GPC6: variants seen among roughly 807,000 people sequenced by gnomAD.
GPC6 encodes glypican 6, also known as glypican-6.
In GPC6, 14 loss-of-function variants were observed where a neutral mutation model predicts 55.2. That is an observed-to-expected ratio of 0.25 (90% CI 0.17 to 0.40). The LOEUF is 0.40. Among genes scored for constraint, GPC6 ranks in the 10% least tolerant of loss-of-function variants. The probability of loss-of-function intolerance (pLI) is 1.00; values close to 1 mark genes in which losing one functional copy is unlikely to be tolerated. For missense variants in GPC6, 641 were observed against 708.5 expected (o/e 0.90, Z 1.08); for synonymous variants, 278 against 259.6 (o/e 1.07, Z -0.68).
At chr13:93,285,616 C>CTGTGTGTGTGTGTGTGTGTG (rs754671051) in intron 1 of GPC6, among the ~76,000 whole-genome samples, 1 of 103,532 alleles carries the variant, frequency 9.7e-6, no homozygotes, top group African/African-American at 3.7e-5. Flanking sequence ...GTATATACTG[C>CTGTGTGTGTGTGTGTGTGTG]TGTGTGTGTG....
chr13:93,423,065 G>A (rs759001339), intron 1 of GPC6, among the ~76,000 whole-genome samples: 6 of 152,112 alleles, frequency 3.9e-5, no homozygotes, highest in Admixed American at 1.3e-4. Context: ...CCAGCTCCCC[G>A]TTTGTTAGCC....
At chr13:94,355,609 CTAAATG>C (rs891471503) in intron 6 of GPC6, among the ~76,000 whole-genome samples, 1 of 152,086 alleles carries the variant, frequency 6.6e-6, no homozygotes, top group Admixed American at 6.5e-5. Flanking sequence ...TAATATCAAT[CTAAATG>C]TGTCTATGAA....
chr13:93,854,085 C>A (rs993782436), intron 3 of GPC6, among the ~76,000 whole-genome samples: 1 of 151,618 alleles, frequency 6.6e-6, no homozygotes, highest in East Asian at 1.9e-4. Flanking sequence ...TTCATGAACA[C>A]CCTCTATGCA....
chr13:93,610,534 T>C (rs1205481340), intron 2 of GPC6, among the ~76,000 whole-genome samples: 5 of 152,088 alleles, frequency 3.3e-5, no homozygotes, highest in Admixed American at 6.5e-5. Flanking sequence ...TGATAAGTGA[T>C]CTTAAGGTAA....
chr13:94,188,879 A>T (rs560386746), intron 4 of GPC6, among the ~76,000 whole-genome samples: 1 of 152,292 alleles, frequency 6.6e-6, no homozygotes, highest in Non-Finnish European at 1.5e-5. Context: ...GTCAGTCGTC[A>T]AAGGAGTCTG....
At chr13:94,265,492 G>A (rs552864136) in intron 4 of GPC6, among the ~76,000 whole-genome samples, 2 of 152,192 alleles carry the variant, frequency 1.3e-5, no homozygotes, top group African/African-American at 2.4e-5. Context: ...CCAGATTAAG[G>A]GTGGATCGGC....
intron 1 of GPC6, among the ~76,000 whole-genome samples, chr13:93,342,925 C>T (rs1880308244): frequency 6.6e-6 from 1 of 152,144 alleles, no homozygotes; most frequent in Admixed American, 6.5e-5. Flanking sequence ...TACAACCACA[C>T]AGGAAGGAAA....
At chr13:93,915,294 C>A (rs929968511) in intron 3 of GPC6, among the ~76,000 whole-genome samples, 6 of 152,200 alleles carry the variant, frequency 3.9e-5, no homozygotes, top group African/African-American at 1.4e-4. Context: ...AGTTATGAAA[C>A]TCACCCAGAG....
At chr13:93,378,166 G>C (rs921646885) in intron 1 of GPC6, among the ~76,000 whole-genome samples, 3 of 152,142 alleles carry the variant, frequency 2.0e-5, no homozygotes, top group Non-Finnish European at 4.4e-5. Context: ...TCCTGGCAAA[G>C]GATTGTACAT....
intron 4 of GPC6, among the ~76,000 whole-genome samples, chr13:94,141,699 A>G (rs1887383556): frequency 6.6e-6 from 1 of 152,218 alleles, no homozygotes; most frequent in Admixed American, 6.5e-5. Flanking sequence ...GAAAAGTGAC[A>G]ATAACTTATC....
At chr13:94,233,965 C>T (rs905256065) in intron 4 of GPC6, among the ~76,000 whole-genome samples, 1 of 152,026 alleles carries the variant, frequency 6.6e-6, no homozygotes, top group African/African-American at 2.4e-5. Flanking sequence ...TGTAACAGTA[C>T]GTCTTCTAGC....
chr13:93,261,325 T>C (rs1383437169), intron 1 of GPC6, among the ~76,000 whole-genome samples: 1 of 152,140 alleles, frequency 6.6e-6, no homozygotes, highest in Non-Finnish European at 1.5e-5. Context: ...TACCTGTTTT[T>C]AGGGTTTTCT....
intron 4 of GPC6, among the ~76,000 whole-genome samples, chr13:94,051,369 CT>C (rs66467409): frequency 0.15 from 22,862 of 152,114 alleles, 2,059 homozygotes; most frequent in East Asian, 0.36. Flanking sequence ...GCACACTCAA[CT>C]TTTTTTAAAG....
At chr13:93,774,440 T>C (rs1885398011) in intron 2 of GPC6, among the ~76,000 whole-genome samples, 1 of 152,192 alleles carries the variant, frequency 6.6e-6, no homozygotes, top group South Asian at 2.1e-4. Context: ...GATCAGGAGA[T>C]AAGTTATGCT....
intron 6 of GPC6, among the ~76,000 whole-genome samples, chr13:94,343,270 C>T (rs994044117): frequency 6.6e-6 from 1 of 152,146 alleles, no homozygotes; most frequent in Non-Finnish European, 1.5e-5. Context: ...AATGACTCTC[C>T]TTTTGCCAGG....
At chr13:93,765,218 T>G (rs1885078525) in intron 2 of GPC6, among the ~76,000 whole-genome samples, 1 of 34,236 alleles carries the variant, frequency 2.9e-5, no homozygotes, top group Admixed American at 3.3e-4. Flanking sequence ...TATCTTTTTA[T>G]GAAAAAAGAT....
At chr13:93,519,023 C>T (rs185526328) in intron 1 of GPC6, among the ~76,000 whole-genome samples, 107 of 152,062 alleles carry the variant, frequency 7.0e-4, no homozygotes, top group Admixed American at 2.3e-3. Context: ...GCTACACAGG[C>T]AGAGTTGAGT....
chr13:93,421,288 T>C (rs1876913026), intron 1 of GPC6, among the ~76,000 whole-genome samples: 2 of 152,108 alleles, frequency 1.3e-5, no homozygotes, highest in South Asian at 4.1e-4. Context: ...TCCACCTGGT[T>C]AGGAGCCCCA....
chr13:93,977,571 G>C lies in GPC6; in HGVS notation c.712-50158G>C, dbSNP rs80241419. Among the ~76,000 whole-genome samples the C allele has an allele frequency of 2.7e-3, 391 of 147,418 alleles. 2 individuals are homozygous for C. Among genetic ancestry groups the C allele is most frequent in the African/African-American group, 9.4e-3 (378 of 40,110 alleles). ...TATATGTGCTGATTTTTTTCCTTTT[G>C]ATTCATAACAGAACTTGTTGGAGAG... On this transcript the variant is annotated intron_variant, in intron 3 of 8. Transcript: ENST00000377047.
Sources: gnomAD v4.1 joint callset for allele counts (sites outside exome capture counted in the v4.1 genomes callset) on GRCh38, gnomAD v4.1.1 for gene constraint, MANE v1.5 for transcripts, NCBI Gene and HGNC (gene_info 2026-07-23, HGNC 2026-07-21) for gene names.